NELL1: variants seen among roughly 807,000 people sequenced by gnomAD.
The protein encoded by NELL1 is neural EGFL like 1.
NELL1 carries 76 observed loss-of-function variants against 107.4 expected under a neutral mutation model. That is an observed-to-expected ratio of 0.71 (90% confidence interval 0.59 to 0.86). The LOEUF is 0.86. NELL1 is among the 40% of genes least tolerant of loss of function. The pLI, the probability that NELL1 is intolerant of heterozygous loss-of-function variation, is 0.00. For synonymous variants in NELL1, 353 were observed against 341.2 expected, an observed-to-expected ratio of 1.03 and a Z score of -0.38; for missense variants, 1,024 against 1,005.5, an observed-to-expected ratio of 1.02 and a Z score of -0.25.
intron 15 of NELL1, among the ~76,000 whole-genome samples, chr11:21,508,346 T>A (rs911838646): frequency 2.0e-5 from 3 of 152,022 alleles, no homozygotes; most frequent in African/African-American, 7.2e-5. Flanking sequence ...TACACAACAA[T>A]TAAATTTTTC....
intron 14 of NELL1, among the ~76,000 whole-genome samples, chr11:21,275,211 AG>A (rs1848827800): frequency 6.6e-6 from 1 of 152,168 alleles, no homozygotes; most frequent in Non-Finnish European, 1.5e-5. Context: ...AAAATGATAA[AG>A]GGGATATCAC....
At chr11:21,545,881 C>T (rs1469673751) in intron 16 of NELL1, among the ~76,000 whole-genome samples, 1 of 151,976 alleles carries the variant, frequency 6.6e-6, no homozygotes, top group African/African-American at 2.4e-5. Flanking sequence ...GTACCACACT[C>T]TCTAGACCTT....
intron 3 of NELL1, among the ~76,000 whole-genome samples, chr11:20,796,909 TATC>T (rs1435880266): frequency 1.3e-5 from 2 of 152,108 alleles, no homozygotes; most frequent in Non-Finnish European, 2.9e-5. Flanking sequence ...GATAAGCAGA[TATC>T]AGCCAAGATG....
chr11:21,359,436 T>G (rs2133734917), intron 14 of NELL1, among the ~76,000 whole-genome samples: 1 of 152,334 alleles, frequency 6.6e-6, no homozygotes, highest in South Asian at 2.1e-4. Flanking sequence ...TGCATCTATG[T>G]TCACCAGGGA....
At chr11:21,333,604 CA>C (rs1850319199) in intron 14 of NELL1, among the ~76,000 whole-genome samples, 1 of 151,856 alleles carries the variant, frequency 6.6e-6, no homozygotes, top group Non-Finnish European at 1.5e-5. Flanking sequence ...CCCATCGATA[CA>C]TCTCTTTCCA....
At chr11:21,062,640 T>C (rs914599448) in intron 12 of NELL1, among the ~76,000 whole-genome samples, 2 of 152,146 alleles carry the variant, frequency 1.3e-5, no homozygotes, top group Admixed American at 6.6e-5. Flanking sequence ...GAATTACCAT[T>C]GATCCTACAA....
intron 13 of NELL1, among the ~76,000 whole-genome samples, chr11:21,191,771 G>A (rs777730850): frequency 3.3e-5 from 5 of 151,914 alleles, no homozygotes; most frequent in Non-Finnish European, 7.3e-5. Context: ...TAGGAAACTT[G>A]GATTATGGTT....
intron 2 of NELL1, among the ~76,000 whole-genome samples, chr11:20,780,436 A>G (rs1268560887): frequency 1.6e-4 from 25 of 152,234 alleles, no homozygotes; most frequent in Non-Finnish European, 2.9e-5. Context: ...ATAAATGGAA[A>G]ATACATTAAT....
At chr11:21,041,071 T>C (rs901594530) in intron 12 of NELL1, among the ~76,000 whole-genome samples, 1 of 152,226 alleles carries the variant, frequency 6.6e-6, no homozygotes, top group Non-Finnish European at 1.5e-5. Flanking sequence ...ATAAGCAAGC[T>C]ACAATATACG....
chr11:21,099,650 C>T (rs1454740672), intron 12 of NELL1, among the ~76,000 whole-genome samples: 1 of 152,184 alleles, frequency 6.6e-6, no homozygotes, highest in Non-Finnish European at 1.5e-5. Context: ...TGCACCAGCT[C>T]ACTGGATCTT....
chr11:20,814,599 T>C (rs1779844867), intron 3 of NELL1, among the ~76,000 whole-genome samples: 1 of 152,274 alleles, frequency 6.6e-6, no homozygotes, highest in South Asian at 2.1e-4. Context: ...GTCCTTCAGC[T>C]ACGTCCATGT....
intron 3 of NELL1, among the ~76,000 whole-genome samples, chr11:20,810,112 T>C (rs184600893): frequency 6.6e-6 from 1 of 151,662 alleles, no homozygotes; most frequent in East Asian, 1.9e-4. Flanking sequence ...GTCAAGCTCT[T>C]TTTTTTTTCA....
In NELL1 at chr11:21,247,596, C is replaced by T. The variant is rs78085234; in HGVS notation, c.1549+18142C>T. On this transcript the variant is annotated intron_variant, in intron 14 of 19. Coordinates refer to ENST00000357134, the MANE Select transcript of NELL1 (RefSeq NM_006157.5). ...GGTGTCATCTCCAATGGTAACAGTG[C>T]CTTATTCTGGAATATCTCCTGAAGG... is the stretch of plus-strand genomic sequence containing the variant. 4.6e-3 allele frequency among the ~76,000 whole-genome samples: 699 copies of T among 152,202 alleles called. 4 individuals are homozygous for T. Among genetic ancestry groups the T allele is most frequent in the African/African-American group, 0.016 (665 of 41,518 alleles).
In NELL1 at chr11:21,504,128, G is replaced by A. The variant is rs111294874; in HGVS notation, c.1646-30246G>A. 117 of 152,292 alleles carry A rather than the reference G, an allele frequency of 7.7e-4. 1 individual carries two copies. The highest frequency in any genetic ancestry group is 2.7e-3 in the African/African-American group (111 of 41,558). 9.4% of individuals were successfully genotyped at this position (152,292 alleles called of 1,614,324 possible). Reference sequence around the variant, plus strand: ...CCATGAAAGAGGTCTGCGAGAGCAGGGACCTTGTTTGCTCTCCAGGGCTTA... The same window carrying A: ...CCATGAAAGAGGTCTGCGAGAGCAGAGACCTTGTTTGCTCTCCAGGGCTTA... On this transcript the variant is annotated intron_variant, in intron 15 of 19. Coordinates refer to ENST00000357134, the MANE Select transcript of NELL1 (RefSeq NM_006157.5).
intron 14 of NELL1, among the ~76,000 whole-genome samples, chr11:21,358,959 G>A (rs1453089568): frequency 3.3e-5 from 5 of 152,010 alleles, no homozygotes; most frequent in African/African-American, 4.8e-5. Context: ...TGATTTGGAT[G>A]CCCTTTATTT....
chr11:21,081,461 T>C (rs1854267137), intron 12 of NELL1, among the ~76,000 whole-genome samples: 1 of 152,166 alleles, frequency 6.6e-6, no homozygotes, highest in South Asian at 2.1e-4. Flanking sequence ...GGTCTGAATT[T>C]GTATCCAAAT....
At chr11:21,299,984 C>A (rs919278380) in intron 14 of NELL1, among the ~76,000 whole-genome samples, 1 of 151,936 alleles carries the variant, frequency 6.6e-6, no homozygotes, top group Non-Finnish European at 1.5e-5. Context: ...AGGACAGAAA[C>A]CCCGACCTCT....
chr11:20,812,664 A>G (rs1031571538), intron 3 of NELL1, among the ~76,000 whole-genome samples: 2 of 152,192 alleles, frequency 1.3e-5, no homozygotes, highest in African/African-American at 4.8e-5. Flanking sequence ...GGAGGAGGTC[A>G]GTTCAGAAAT....
chr11:20,881,851 T>A (rs1849414817), intron 4 of NELL1, among the ~76,000 whole-genome samples: 1 of 152,150 alleles, frequency 6.6e-6, no homozygotes, highest in Non-Finnish European at 1.5e-5. Context: ...CCTGTATGTA[T>A]CCCCATAGCC....
Sources: allele counts gnomAD v4.1 joint callset (sites outside exome capture counted in the v4.1 genomes callset), GRCh38; gene constraint gnomAD v4.1.1; transcripts MANE v1.5; gene names NCBI Gene and HGNC (gene_info 2026-07-23, HGNC 2026-07-21).